CADPS2: variants seen among roughly 807,000 people sequenced by gnomAD.
The protein encoded by CADPS2 is calcium-dependent secretion activator 2.
In CADPS2, 93 loss-of-function variants were observed where a neutral mutation model predicts 172.5. The ratio of observed to expected loss-of-function variants is 0.54; its 90% CI spans 0.46 to 0.64. The LOEUF (loss-of-function observed/expected upper bound fraction) is 0.64, where lower values mean the gene tolerates loss of function less well. Ranked by LOEUF, CADPS2 falls within the 30% of genes least tolerant of loss-of-function variation. CADPS2 has a pLI of 0.00. For missense variants in CADPS2, 1,420 were observed against 1,565.9 expected (o/e 0.91, Z 1.57); for synonymous variants, 546 against 555.2 (o/e 0.98, Z 0.23).
chr7:122,418,353 A>T (rs2048173987), intron 17 of CADPS2, among the ~76,000 whole-genome samples: 1 of 152,170 alleles, frequency 6.6e-6, no homozygotes, highest in Non-Finnish European at 1.5e-5. Context: ...TGAAGGTGAG[A>T]CTTGAACACG....
intron 1 of CADPS2, among the ~76,000 whole-genome samples, chr7:122,833,562 T>C (rs1807299991): frequency 6.6e-6 from 1 of 151,928 alleles, no homozygotes; most frequent in Non-Finnish European, 1.5e-5. Context: ...TTTGTTTTGT[T>C]TTTTTGTAAT....
At chr7:122,586,245 C>T (rs1399788031) in intron 6 of CADPS2, among the ~76,000 whole-genome samples, 1 of 151,922 alleles carries the variant, frequency 6.6e-6, no homozygotes, top group African/African-American at 2.4e-5. Flanking sequence ...ACCGAAGTCC[C>T]TATCCCCTTG....
At chr7:122,814,253 C>T (rs1800768537) in intron 1 of CADPS2, among the ~76,000 whole-genome samples, 1 of 150,552 alleles carries the variant, frequency 6.6e-6, no homozygotes, top group Non-Finnish European at 1.5e-5. Flanking sequence ...CAGAAATAAC[C>T]AAATTAAGGA....
At chr7:122,838,520 C>T (rs929589820) in intron 1 of CADPS2, among the ~76,000 whole-genome samples, 12 of 152,140 alleles carry the variant, frequency 7.9e-5, no homozygotes, top group Non-Finnish European at 1.3e-4. Context: ...ATTGTATATC[C>T]AGAAAACCCC....
rs1432404687 is a variant in CADPS2 at position 122,663,648 on chromosome 7, A to G, written c.454-79T>C. The G allele has an allele frequency of 5.9e-6, 6 of 1,023,828 alleles. No homozygotes were observed. In the East Asian group the frequency reaches 1.0e-4, roughly 18 times the overall value. 63.4% of individuals were successfully genotyped at this position (1,023,828 alleles called of 1,614,324 possible). On this transcript the variant is annotated intron_variant, in intron 2 of 29. Transcript: ENST00000449022. Reference sequence around the variant, plus strand: ...ATGCTAACACCACTTGCTTTCAGCAATCCAGCCAGAGTTTCTACAAATATT... The same window carrying G: ...ATGCTAACACCACTTGCTTTCAGCAGTCCAGCCAGAGTTTCTACAAATATT...
At chr7:122,702,537 A>C in intron 2 of CADPS2, 1 of 1,613,560 alleles carries the variant, frequency 6.2e-7, no homozygotes, top group Non-Finnish European at 8.5e-7. Flanking sequence ...ACCACACCAG[A>C]CACCCTTTCC....
chr7:122,866,704 A>G (rs1462663586), intron 1 of CADPS2, among the ~76,000 whole-genome samples: 1 of 152,168 alleles, frequency 6.6e-6, no homozygotes, highest in African/African-American at 2.4e-5. Context: ...GTCTCAAACC[A>G]AAACAAACAA....
At chr7:122,398,781 C>T (rs1016289463) in intron 20 of CADPS2, among the ~76,000 whole-genome samples, 4 of 150,678 alleles carry the variant, frequency 2.7e-5, no homozygotes, top group Non-Finnish European at 5.9e-5. Context: ...CCCTCCCCAC[C>T]CCTCACCCCT....
chr7:122,646,332 G>A (rs111964885), intron 3 of CADPS2, among the ~76,000 whole-genome samples: 2,080 of 152,104 alleles, frequency 0.014, 44 homozygotes, highest in African/African-American at 0.046. Flanking sequence ...TTAAAATGCC[G>A]TCAAAGAGGC....
intron 25 of CADPS2, among the ~76,000 whole-genome samples, chr7:122,373,652 A>C (rs149527409): frequency 2.4e-4 from 37 of 152,292 alleles, no homozygotes; most frequent in African/African-American, 8.4e-4. Flanking sequence ...ATGTAAGGCT[A>C]CAGGGATCAT....
chr7:122,561,473 G>C (rs2065771271), intron 7 of CADPS2, among the ~76,000 whole-genome samples: 1 of 152,086 alleles, frequency 6.6e-6, no homozygotes, highest in Non-Finnish European at 1.5e-5. Flanking sequence ...TTATTTGCAT[G>C]ATGGGAGGAT....
intron 20 of CADPS2, among the ~76,000 whole-genome samples, chr7:122,404,285 T>A (rs1210239426): frequency 6.6e-6 from 1 of 152,104 alleles, no homozygotes; most frequent in South Asian, 2.1e-4. Context: ...AGAATGATGG[T>A]TTCCAGCTTC....
intron 1 of CADPS2, among the ~76,000 whole-genome samples, chr7:122,820,999 C>T (rs1413527127): frequency 1.1e-4 from 16 of 151,420 alleles, no homozygotes; most frequent in Admixed American, 5.3e-4. Flanking sequence ...TATTTTCTTC[C>T]TCATACCTGA....
At chr7:122,697,716 G>A (rs1017245542) in intron 2 of CADPS2, 4 of 1,162,188 alleles carry the variant, frequency 3.4e-6, no homozygotes, top group Non-Finnish European at 4.8e-6. Flanking sequence ...ACTTCAAACA[G>A]ACAAACTGCT....
intron 1 of CADPS2, among the ~76,000 whole-genome samples, chr7:122,771,240 G>T (rs566202321): frequency 6.6e-6 from 1 of 152,166 alleles, no homozygotes; most frequent in Non-Finnish European, 1.5e-5. Flanking sequence ...TATGAATGTT[G>T]AAAGTCACTG....
intron 9 of CADPS2, among the ~76,000 whole-genome samples, chr7:122,498,746 C>A (rs1335895303): frequency 1.3e-5 from 2 of 152,004 alleles, no homozygotes; most frequent in African/African-American, 2.4e-5. Context: ...CTGTTATTTT[C>A]TTTTTTGTTA....
At chr7:122,767,718 T>C (rs1176582416) in intron 1 of CADPS2, among the ~76,000 whole-genome samples, 12 of 152,172 alleles carry the variant, frequency 7.9e-5, no homozygotes, top group Admixed American at 7.9e-4. Context: ...AATAATCTAA[T>C]TCCAAGTACC....
At chr7:122,671,108 C>A (rs2081799417) in intron 2 of CADPS2, among the ~76,000 whole-genome samples, 1 of 152,128 alleles carries the variant, frequency 6.6e-6, no homozygotes, top group Non-Finnish European at 1.5e-5. Flanking sequence ...GTTACAGGAC[C>A]TTTTCTTTTT....
At chr7:122,543,160 T>C (rs2063274669) in intron 8 of CADPS2, among the ~76,000 whole-genome samples, 2 of 152,118 alleles carry the variant, frequency 1.3e-5, no homozygotes, top group South Asian at 2.1e-4. Context: ...ACCCCTTATT[T>C]ATGGTATCTT....
Sources: gnomAD v4.1 joint callset for allele counts (sites outside exome capture counted in the v4.1 genomes callset) on GRCh38, gnomAD v4.1.1 for gene constraint, MANE v1.5 for transcripts, NCBI Gene and HGNC (gene_info 2026-07-23, HGNC 2026-07-21) for gene names.